The following SCAPER variants were observed in gnomAD, a reference collection of about 807,000 sequenced individuals.
The protein encoded by SCAPER is S phase cyclin A-associated protein in the endoplasmic reticulum.
SCAPER carries 98 observed loss-of-function variants against 182.2 expected under a neutral mutation model. The observed-to-expected ratio is 0.54, with a 90% CI of 0.46 to 0.64. SCAPER has a LOEUF of 0.64. SCAPER is among the 30% of genes least tolerant of loss of function. SCAPER has a pLI of 0.00. For missense variants in SCAPER, 1,432 were observed against 1,690.0 expected, an observed-to-expected ratio of 0.85 and a Z score of 2.68; for synonymous variants, 605 against 564.6, an observed-to-expected ratio of 1.07 and a Z score of -1.01.
chr15:76,878,254 T>C, intron 2 of SCAPER, among the ~76,000 whole-genome samples: 1 of 152,094 alleles, frequency 6.6e-6, no homozygotes, highest in East Asian at 1.9e-4. Context: ...GTGTGTTTCA[T>C]ACACACAAAG....
intron 23 of SCAPER, among the ~76,000 whole-genome samples, chr15:76,572,868 T>C (rs1441203535): frequency 6.6e-6 from 1 of 150,844 alleles, no homozygotes; most frequent in Admixed American, 6.7e-5. Context: ...TGAGCAGCAC[T>C]GTTTGCCCAT....
intron 26 of SCAPER, among the ~76,000 whole-genome samples, chr15:76,422,102 C>A (rs573553465): frequency 1.3e-5 from 2 of 152,120 alleles, no homozygotes; most frequent in African/African-American, 4.8e-5. Flanking sequence ...CTTGGCAATG[C>A]GGGCCCTTTT....
chr15:76,409,872 G>A (rs530290483), intron 26 of SCAPER, among the ~76,000 whole-genome samples: 32 of 152,106 alleles, frequency 2.1e-4, no homozygotes, highest in Non-Finnish European at 3.7e-4. Context: ...TGCAATCATG[G>A]CTCACTGCTG....
At chr15:76,819,048 C>T (rs2067308423) in intron 5 of SCAPER, among the ~76,000 whole-genome samples, 1 of 152,250 alleles carries the variant, frequency 6.6e-6, no homozygotes, top group Non-Finnish European at 1.5e-5. Context: ...GAGGAGCACC[C>T]ACCATTGCCA....
chr15:76,471,265 G>C lies in SCAPER; in HGVS notation c.3025C>G (p.Leu1009Val). 6.2e-7 allele frequency: 1 copy of C among 1,612,420 alleles called. No homozygotes were observed. The highest frequency in any genetic ancestry group is 8.5e-7 in the Non-Finnish European group (1 of 1,179,104). ...NNCSENCSDV[L>V]FSNKITFLMD... The stretch of plus-strand genomic sequence containing the variant: ...AAGAAGGTAATCTTGTTACTAAACA[G>C]AACATCACTGCAGTTTTCTGAACAG... Residue 1009 changes from leucine (L) to valine (V), a missense_variant, in exon 25 of 32, where the codon CTG becomes GTG. By Grantham distance (32) the Leu-to-Val change is conservative. Around this residue, in one of 5 missense-constraint regions of SCAPER, gnomAD observed 718 missense variants for 799.7 expected, o/e 0.90. Coordinates refer to ENST00000563290, the MANE Select transcript of SCAPER (RefSeq NM_020843.4).
At chr15:76,847,902 C>T (rs35373913) in intron 4 of SCAPER, among the ~76,000 whole-genome samples, 23,374 of 152,090 alleles carry the variant, frequency 0.15, 2,022 homozygotes, top group African/African-American at 0.24. Context: ...GCCTGGGAAA[C>T]AGAGCAAGAC....
intron 2 of SCAPER, among the ~76,000 whole-genome samples, chr15:76,879,192 A>C (rs1425993601): frequency 1.3e-5 from 2 of 152,210 alleles, no homozygotes; most frequent in Non-Finnish European, 2.9e-5. Context: ...CAGGACATTT[A>C]CACAGAATTC....
chr15:76,445,970 C>G (rs916186368), intron 25 of SCAPER, among the ~76,000 whole-genome samples: 1 of 152,158 alleles, frequency 6.6e-6, no homozygotes, highest in Non-Finnish European at 1.5e-5. Flanking sequence ...TCCACTCTTA[C>G]TGCACAGGGA....
At chr15:76,848,490 T>C (rs779069442) in intron 4 of SCAPER, among the ~76,000 whole-genome samples, 1 of 151,896 alleles carries the variant, frequency 6.6e-6, no homozygotes, top group Non-Finnish European at 1.5e-5. Flanking sequence ...CCCGCCACCA[T>C]ACCCAGTTAA....
At position 76,598,005 on chromosome 15, in the gene SCAPER, T is replaced by C. The variant is rs1390866107; in HGVS notation, c.2712-23721A>G. On this transcript the variant is annotated intron_variant, in intron 22 of 31. Coordinates refer to ENST00000563290, the MANE Select transcript of SCAPER (RefSeq NM_020843.4). ...ATAGCAGAAGAAACTATCAACAGAG[T>C]GAACAGGGAACCTACAGAATGGGAG... is the stretch of plus-strand genomic sequence containing the variant. 3.4e-5 allele frequency among the ~76,000 whole-genome samples: 4 copies of C among 116,974 alleles called. 1 individual carries two copies. Among genetic ancestry groups the C allele is most frequent in the Admixed American group, 9.7e-5 (1 of 10,336 alleles). 76.7% of individuals were successfully genotyped at this position (116,974 alleles called of 152,430 possible).
intron 1 of SCAPER, among the ~76,000 whole-genome samples, chr15:76,892,944 GGATT>G (rs2074241503): frequency 6.8e-6 from 1 of 147,030 alleles, no homozygotes; most frequent in Non-Finnish European, 1.5e-5. Flanking sequence ...ACGATAGACT[GGATT>G]AAGAAAATGT....
At chr15:76,477,398 T>G (rs1388493750) in intron 24 of SCAPER, among the ~76,000 whole-genome samples, 1 of 152,162 alleles carries the variant, frequency 6.6e-6, no homozygotes, top group Non-Finnish European at 1.5e-5. Context: ...TGCAAATATA[T>G]ATAGGACAAT....
At chr15:76,532,050 T>G (rs376009196) in intron 23 of SCAPER, among the ~76,000 whole-genome samples, 1 of 152,340 alleles carries the variant, frequency 6.6e-6, no homozygotes, top group Non-Finnish European at 1.5e-5. Context: ...TAGTAGACTT[T>G]ATATATTTTT....
At chr15:76,544,808 T>C (rs1302335150) in intron 23 of SCAPER, among the ~76,000 whole-genome samples, 2 of 152,166 alleles carry the variant, frequency 1.3e-5, no homozygotes, top group Admixed American at 1.3e-4. Flanking sequence ...TAGTAACTTG[T>C]ATGGTATATG....
chr15:76,883,871 T>C lies in SCAPER; in HGVS notation c.-54A>G, dbSNP rs561529771. 4.7e-5 allele frequency: 63 copies of C among 1,330,064 alleles called. 2 individuals are homozygous for C. The highest frequency in any genetic ancestry group is 9.5e-5 in the Admixed American group (4 of 42,240). 82.4% of individuals were successfully genotyped at this position (1,330,064 alleles called of 1,614,324 possible). Reference sequence around the variant, plus strand: ...ATTTATCACATAAACCCATGGAGTATGACTCCTACAATAAAAAATATATAT... The same window carrying C: ...ATTTATCACATAAACCCATGGAGTACGACTCCTACAATAAAAAATATATAT... On this transcript the variant is annotated 5_prime_UTR_variant, in exon 2 of 32. Coordinates refer to ENST00000563290, the MANE Select transcript of SCAPER (RefSeq NM_020843.4).
rs184293663 is a variant in SCAPER at position 76,747,392 on chromosome 15, C to T, written c.1866+6416G>A. ...TGGCGTGCACCAGTAGTCCCAGCTA[C>T]TCAGGAGGCTGAGGCAGGAGAATCG... On this transcript the variant is annotated intron_variant, in intron 15 of 31. Coordinates refer to ENST00000563290, the MANE Select transcript of SCAPER (RefSeq NM_020843.4). 1.1e-3 allele frequency among the ~76,000 whole-genome samples: 173 copies of T among 151,948 alleles called. 1 individual carries two copies. Among genetic ancestry groups the T allele is most frequent in the African/African-American group, 4.0e-3 (167 of 41,434 alleles).
chr15:76,798,233 G>A (rs1204428473), intron 7 of SCAPER, among the ~76,000 whole-genome samples: 1 of 151,938 alleles, frequency 6.6e-6, no homozygotes, highest in Non-Finnish European at 1.5e-5. Flanking sequence ...GGTGGCATGC[G>A]CCTATAATTC....
At chr15:76,706,291 A>T (rs1249467962) in intron 17 of SCAPER, among the ~76,000 whole-genome samples, 1 of 152,156 alleles carries the variant, frequency 6.6e-6, no homozygotes, top group Non-Finnish European at 1.5e-5. Flanking sequence ...CAAAAACTCA[A>T]TTAAACCATT....
At chr15:76,425,731 T>C (rs866776131) in intron 26 of SCAPER, among the ~76,000 whole-genome samples, 1 of 152,224 alleles carries the variant, frequency 6.6e-6, no homozygotes, top group East Asian at 1.9e-4. Context: ...TCTGTTTTTT[T>C]CCCATCTTTG....
Sources: gnomAD v4.1 joint callset for allele counts (sites outside exome capture counted in the v4.1 genomes callset) on GRCh38, gnomAD v4.1.1 for gene constraint, gnomAD v4.1.1 regional missense constraint, MANE v1.5 for transcripts, NCBI Gene and HGNC (gene_info 2026-07-23, HGNC 2026-07-21) for gene names.